PLCL1: variants seen among roughly 807,000 people sequenced by gnomAD.
PLCL1 encodes the protein inactive phospholipase C-like protein 1.
A neutral mutation model predicts 84.4 loss-of-function variants in PLCL1; 41 were observed. The ratio of observed to expected loss-of-function variants is 0.49; its 90% CI spans 0.38 to 0.63. PLCL1 has a LOEUF of 0.63. Ranked by LOEUF, PLCL1 falls within the 30% of genes least tolerant of loss-of-function variation. PLCL1 has a pLI of 0.00. For missense variants in PLCL1, 1,206 were observed against 1,367.8 expected (o/e 0.88, Z 1.87); for synonymous variants, 490 against 488.3 (o/e 1.00, Z -0.05).
chr2:198,014,871 A>G (rs1277749361), intron 1 of PLCL1, among the ~76,000 whole-genome samples: 1 of 151,984 alleles, frequency 6.6e-6, no homozygotes, highest in East Asian at 1.9e-4. Flanking sequence ...TTTCCTTTTT[A>G]TGTCATCAAT....
chr2:198,084,058 G>A lies in PLCL1; in HGVS notation c.541G>A (p.Ala181Thr). 1 of 1,614,190 alleles carries A rather than the reference G, an allele frequency of 6.2e-7. No homozygotes were observed. The highest frequency in any genetic ancestry group is 1.3e-5 in the African/African-American group (1 of 75,058). The change falls in exon 2 of 6, where the codon GCT becomes ACT. Residue 181 changes from alanine to threonine, a missense_variant. By Grantham distance (58) the Ala-to-Thr change is moderately conservative. Transcript: ENST00000428675. ...GGAAACATTTAGAAACAATGGCCTT[G>A]CTGACCAGATCTGTGAGGACTGTGC... ...NTETFRNNGL[A>T]DQICEDCAFS...
At chr2:197,888,183 A>G (rs922550972) in intron 1 of PLCL1, among the ~76,000 whole-genome samples, 42 of 151,800 alleles carry the variant, frequency 2.8e-4, no homozygotes, top group Non-Finnish European at 8.8e-5. Flanking sequence ...ATTAGCAATA[A>G]TTTTTTTTGT....
intron 1 of PLCL1, among the ~76,000 whole-genome samples, chr2:197,947,763 C>A (rs1689311442): frequency 6.6e-6 from 1 of 152,190 alleles, no homozygotes; most frequent in Non-Finnish European, 1.5e-5. Context: ...TCCAACCATA[C>A]TGGAGCCCAC....
At chr2:198,045,262 A>G (rs1228142444) in intron 1 of PLCL1, among the ~76,000 whole-genome samples, 1 of 152,128 alleles carries the variant, frequency 6.6e-6, no homozygotes, top group East Asian at 1.9e-4. Flanking sequence ...AGTTTTTTGT[A>G]TTATGTTTCC....
At chr2:198,025,901 T>C (rs1691253088) in intron 1 of PLCL1, among the ~76,000 whole-genome samples, 2 of 152,206 alleles carry the variant, frequency 1.3e-5, no homozygotes, top group South Asian at 4.1e-4. Flanking sequence ...ATAAACTATT[T>C]AGGTGACTTG....
intron 1 of PLCL1, among the ~76,000 whole-genome samples, chr2:198,080,053 T>A (rs1266668782): frequency 2.0e-5 from 3 of 152,216 alleles, no homozygotes; most frequent in Non-Finnish European, 4.4e-5. Context: ...AGCTTTGAAA[T>A]AAGCTGAAAG....
intron 1 of PLCL1, among the ~76,000 whole-genome samples, chr2:197,820,433 A>T (rs1690793448): frequency 6.6e-6 from 1 of 152,142 alleles, no homozygotes; most frequent in South Asian, 2.1e-4. Flanking sequence ...TAAAATAAGA[A>T]CAAAGCCCAG....
At chr2:198,013,232 T>C (rs1190156273) in intron 1 of PLCL1, among the ~76,000 whole-genome samples, 1 of 152,090 alleles carries the variant, frequency 6.6e-6, no homozygotes, top group African/African-American at 2.4e-5. Flanking sequence ...TTTAAGTTCA[T>C]ATTTTTGTGG....
At chr2:197,885,243 G>A (rs1309525898) in intron 1 of PLCL1, among the ~76,000 whole-genome samples, 2 of 152,138 alleles carry the variant, frequency 1.3e-5, no homozygotes, top group African/African-American at 4.8e-5. Context: ...ATTAGCATAT[G>A]CAAATATGGA....
chr2:197,889,345 A>C (rs902025959), intron 1 of PLCL1, among the ~76,000 whole-genome samples: 1 of 152,214 alleles, frequency 6.6e-6, no homozygotes, highest in East Asian at 1.9e-4. Context: ...TAAACTTGTT[A>C]AATGAACAGC....
chr2:197,921,668 CTT>C (rs1218805289), intron 1 of PLCL1, among the ~76,000 whole-genome samples: 1 of 152,202 alleles, frequency 6.6e-6, no homozygotes, highest in Non-Finnish European at 1.5e-5. Context: ...ACACTCCACT[CTT>C]GTTCCACCTC....
intron 1 of PLCL1, among the ~76,000 whole-genome samples, chr2:197,812,106 G>A (rs1690599072): frequency 6.6e-6 from 1 of 152,172 alleles, no homozygotes; most frequent in Non-Finnish European, 1.5e-5. Flanking sequence ...TAGGATAATG[G>A]CCTCCAGCTG....
intron 1 of PLCL1, among the ~76,000 whole-genome samples, chr2:198,025,498 G>A (rs1439393787): frequency 6.6e-6 from 1 of 152,024 alleles, no homozygotes; most frequent in Non-Finnish European, 1.5e-5. Flanking sequence ...CACACTGATA[G>A]ACATAGGGGT....
At chr2:197,846,853 G>A (rs1396485829) in intron 1 of PLCL1, among the ~76,000 whole-genome samples, 2 of 152,056 alleles carry the variant, frequency 1.3e-5, no homozygotes, top group African/African-American at 4.8e-5. Flanking sequence ...AGATCCTCAG[G>A]GATGTTTTAT....
At chr2:197,914,121 A>G (rs1170511654) in intron 1 of PLCL1, among the ~76,000 whole-genome samples, 1 of 152,092 alleles carries the variant, frequency 6.6e-6, no homozygotes, top group Non-Finnish European at 1.5e-5. Flanking sequence ...ATGTTAGCTA[A>G]CCATCCCAGG....
chr2:198,015,758 C>T (rs773531831), intron 1 of PLCL1, among the ~76,000 whole-genome samples: 1 of 151,858 alleles, frequency 6.6e-6, no homozygotes, highest in African/African-American at 2.4e-5. Context: ...TGGTGGTAAC[C>T]TACTCCAAAT....
At chr2:198,127,494 A>G (rs1694016671) in intron 5 of PLCL1, among the ~76,000 whole-genome samples, 1 of 152,176 alleles carries the variant, frequency 6.6e-6, no homozygotes, top group Non-Finnish European at 1.5e-5. Flanking sequence ...CTTTCACCAA[A>G]TTGTGAAAGC....
intron 1 of PLCL1, among the ~76,000 whole-genome samples, chr2:198,035,836 A>G (rs1221554679): frequency 6.6e-6 from 1 of 152,218 alleles, no homozygotes; most frequent in African/African-American, 2.4e-5. Flanking sequence ...GGAGTTTGAG[A>G]CCAGCCTGGC....
intron 1 of PLCL1, among the ~76,000 whole-genome samples, chr2:197,894,167 C>A (rs1688086672): frequency 6.6e-6 from 1 of 151,954 alleles, no homozygotes; most frequent in South Asian, 2.1e-4. Flanking sequence ...CCTGTCCATG[C>A]CCCGTTCCTG....
Sources: gnomAD v4.1 joint callset for allele counts (sites outside exome capture counted in the v4.1 genomes callset) on GRCh38, gnomAD v4.1.1 for gene constraint, MANE v1.5 for transcripts, NCBI Gene and HGNC (gene_info 2026-07-23, HGNC 2026-07-21) for gene names.